The following MAP4K5 variants were observed in gnomAD, a reference collection of about 807,000 sequenced individuals.
MAP4K5 encodes MAPK/ERK kinase kinase kinase 5.
In MAP4K5, 82 loss-of-function variants were observed where a neutral mutation model predicts 135.6. That is an observed-to-expected ratio of 0.60 (90% CI 0.51 to 0.73). The LOEUF (loss-of-function observed/expected upper bound fraction) is 0.73. Ranked by LOEUF, MAP4K5 falls within the 30% of genes least tolerant of loss-of-function variation. MAP4K5 has a pLI of 0.00. For missense variants in MAP4K5, 907 were observed against 1,010.9 expected, an observed-to-expected ratio of 0.90 and a Z score of 1.39; for synonymous variants, 347 against 335.0, an observed-to-expected ratio of 1.04 and a Z score of -0.39.
chr14:50,524,727 C>T (rs945019148), intron 2 of MAP4K5, among the ~76,000 whole-genome samples: 1 of 151,876 alleles, frequency 6.6e-6, no homozygotes, highest in African/African-American at 2.4e-5. Flanking sequence ...GAGTAGAGTG[C>T]ATATAAAGAA....
intron 31 of MAP4K5, among the ~76,000 whole-genome samples, chr14:50,424,168 TAA>T (rs201625500): frequency 4.3e-5 from 6 of 140,512 alleles, no homozygotes; most frequent in African/African-American, 7.8e-5. Context: ...TAAAGTAAGT[TAA>T]AAAAAAAAAA....
intron 23 of MAP4K5, among the ~76,000 whole-genome samples, chr14:50,439,658 A>C (rs933041758): frequency 6.6e-6 from 1 of 152,216 alleles, no homozygotes; most frequent in Non-Finnish European, 1.5e-5. Flanking sequence ...TCGCAGAGAA[A>C]GAAAATAGTG....
At position 50,476,301 on chromosome 14, in the gene MAP4K5, A is replaced by G; in HGVS notation, c.384T>C (p.Leu128=). 1.4e-6 allele frequency: 2 copies of G among 1,420,992 alleles called. No homozygotes were observed. Among genetic ancestry groups the G allele is most frequent in the Non-Finnish European group, 1.9e-6 (2 of 1,079,170 alleles). The allele number at this position is 1,420,992 out of a possible 1,614,324, so 88.0% of individuals were successfully genotyped here. ...AYVCRETLQG[L]AYLHTKGKMH... ...TTTTGCCTTTAGTATGCAAATAGGC[A>G]AGACCCTAAAAGTTTAAAAAAAAAA... The change falls in exon 7 of 33, where the codon CTT becomes CTC. Residue 128 remains leucine, a synonymous_variant. Transcript: ENST00000682126.
chr14:50,473,343 T>C (rs2037010222), intron 9 of MAP4K5, among the ~76,000 whole-genome samples: 1 of 152,114 alleles, frequency 6.6e-6, no homozygotes, highest in African/African-American at 2.4e-5. Flanking sequence ...CACAAATAAG[T>C]CTATGCCATT....
Position 50,428,771 on chromosome 14 carries a change from AAGT to A in MAP4K5, c.2234-20_2234-18del. 8.6e-7 allele frequency: 1 copy of A among 1,166,166 alleles called. No individual in the cohort carries two copies. The highest frequency in any genetic ancestry group is 1.2e-6 in the Non-Finnish European group (1 of 828,104). The allele number at this position is 1,166,166 out of a possible 1,614,324, so 72.2% of individuals were successfully genotyped here. A position where few individuals can be genotyped will look rare whatever the true frequency, so the allele number is the denominator to read the frequency against. Reference sequence around the variant, plus strand: ...TCACAAATTCTTAAAAAAAAAAAACAAGTCAAGACTGGACATGCAAATCTGCTA... The same window carrying A: ...TCACAAATTCTTAAAAAAAAAAAACACAAGACTGGACATGCAAATCTGCTA... On this transcript the variant is annotated intron_variant, in intron 29 of 32. Transcript: ENST00000682126.
chr14:50,520,820 CT>C (rs139101824), intron 2 of MAP4K5, among the ~76,000 whole-genome samples: 62,590 of 107,828 alleles, frequency 0.58, 17,978 homozygotes, highest in Middle Eastern at 0.75. Flanking sequence ...GCAAAGTCAT[CT>C]TTTTTTTTTT....
In MAP4K5 at chr14:50,558,778, G is replaced by A. The variant is rs1177089363; in HGVS notation, c.-180+2262C>T. The stretch of plus-strand genomic sequence containing the variant: ...GAAAAGCAGACCACACTTCTCTTTT[G>A]TTCTATGAACTTGGTTTATAGGTAT... On this transcript the variant is annotated intron_variant, in intron 1 of 8. Coordinates refer to the MAP4K5 transcript ENST00000555216. 8.5e-5 allele frequency among the ~76,000 whole-genome samples: 13 copies of A among 152,238 alleles called. No homozygotes were observed. The South Asian group carries it at 2.3e-3, about 27-fold the overall frequency.
intron 13 of MAP4K5, among the ~76,000 whole-genome samples, chr14:50,461,282 G>A (rs559326019): frequency 1.4e-4 from 22 of 152,140 alleles, no homozygotes; most frequent in Non-Finnish European, 2.9e-5. Flanking sequence ...GCCCATCTTG[G>A]CCTCCCAAAG....
chr14:50,423,369 G>A (rs771855521), intron 31 of MAP4K5, among the ~76,000 whole-genome samples, 193 bp from the exon 32 acceptor site: 7 of 150,964 alleles, frequency 4.6e-5, no homozygotes, highest in Admixed American at 2.0e-4. Flanking sequence ...GGAACATCTA[G>A]TATGGGTCAG....
At chr14:50,487,754 A>G (rs1460355143) in intron 3 of MAP4K5, among the ~76,000 whole-genome samples, 1 of 152,146 alleles carries the variant, frequency 6.6e-6, no homozygotes, top group African/African-American at 2.4e-5. Context: ...TGACAGTAGA[A>G]AGTCTGCCTA....
At position 50,495,178 on chromosome 14, in the gene MAP4K5, G is replaced by C. The variant is rs192961770; in HGVS notation, c.167-8984C>G. On this transcript the variant is annotated intron_variant, in intron 3 of 32. Transcript: ENST00000682126. ...AAATATTTTCAAATCCTGTATCTAA[G>C]AAGGGTTTAATACCCAGAATATATA... Among the ~76,000 whole-genome samples, 297 of 152,260 alleles carry C rather than the reference G, an allele frequency of 2.0e-3. 4 individuals carry two copies. Among genetic ancestry groups the C allele is most frequent in the Admixed American group, 0.016 (249 of 15,290 alleles).
chr14:50,510,760 G>C (rs932239371), intron 2 of MAP4K5, among the ~76,000 whole-genome samples: 15 of 152,162 alleles, frequency 9.9e-5, no homozygotes, highest in Admixed American at 9.8e-4. Context: ...AAAGATGACA[G>C]TCCCTCTCCA....
chr14:50,463,715 C>G (rs1288803161), intron 12 of MAP4K5, among the ~76,000 whole-genome samples: 1 of 151,708 alleles, frequency 6.6e-6, no homozygotes, highest in East Asian at 1.9e-4. Flanking sequence ...GAAACCCTGT[C>G]TCTACTAAAA....
intron 2 of MAP4K5, among the ~76,000 whole-genome samples, chr14:50,505,414 C>T (rs2037789839): frequency 6.6e-6 from 1 of 152,106 alleles, no homozygotes; most frequent in Non-Finnish European, 1.5e-5. Context: ...TATTGTTGGG[C>T]ATTTACAATT....
chr14:50,425,496 CTAAA>C (rs893936532), intron 31 of MAP4K5, among the ~76,000 whole-genome samples: 3 of 152,090 alleles, frequency 2.0e-5, no homozygotes, highest in African/African-American at 4.8e-5. Context: ...TCAATAGTTA[CTAAA>C]TGAGTCAATT....
intron 1 of MAP4K5, among the ~76,000 whole-genome samples, chr14:50,552,018 C>A (rs1221451746): frequency 1.3e-5 from 2 of 152,116 alleles, no homozygotes; most frequent in Non-Finnish European, 2.9e-5. Context: ...CCAGAGCAGT[C>A]AGACAAAAGA....
chr14:50,444,308 T>C (rs1264749727), intron 18 of MAP4K5, among the ~76,000 whole-genome samples: 1 of 152,224 alleles, frequency 6.6e-6, no homozygotes, highest in Admixed American at 6.5e-5. Context: ...CTTTTTATAA[T>C]TGAACTTCAA....
intron 2 of MAP4K5, among the ~76,000 whole-genome samples, chr14:50,542,241 T>G (rs1338573118): frequency 8.7e-6 from 1 of 114,554 alleles, no homozygotes; most frequent in Non-Finnish European, 1.6e-5. Flanking sequence ...TGAGAACACG[T>G]GGACACAGGG....
At chr14:50,454,249 G>A (rs1252841134) in intron 14 of MAP4K5, among the ~76,000 whole-genome samples, 1 of 152,156 alleles carries the variant, frequency 6.6e-6, no homozygotes, top group Admixed American at 6.6e-5. Flanking sequence ...ATAGTAATTC[G>A]CCTGGGCGGA....
Sources: allele counts gnomAD v4.1 joint callset (sites outside exome capture counted in the v4.1 genomes callset), GRCh38; gene constraint gnomAD v4.1.1; transcripts MANE v1.5; gene names NCBI Gene and HGNC (gene_info 2026-07-23, HGNC 2026-07-21).